The following NUP42 variants were observed in gnomAD, a reference collection of about 807,000 sequenced individuals.
The protein encoded by NUP42 is nucleoporin 42.
In NUP42, 47 loss-of-function variants were observed where a neutral mutation model predicts 35.9. That is an observed-to-expected ratio of 1.31 (90% CI 1.04 to 1.67). The LOEUF is 1.67. NUP42 is among the 40% of genes most tolerant of loss of function. The pLI is 0.00. For synonymous variants in NUP42, 173 were observed against 173.3 expected, an observed-to-expected ratio of 1.00 and a Z score of 0.01; for missense variants, 514 against 492.2, an observed-to-expected ratio of 1.04 and a Z score of -0.42.
intron 1 of NUP42, 35 bp from the exon 2 acceptor site, chr7:23,185,035 C>T: frequency 3.3e-6 from 5 of 1,523,326 alleles, no homozygotes; most frequent in Non-Finnish European, 4.5e-6. Flanking sequence ...AGAAAAGTTG[C>T]TAGTAAAATT....
chr7:23,182,266 C>T, intron 1 of NUP42, 60 bp downstream of exon 1: 1 of 1,540,778 alleles, frequency 6.5e-7, no homozygotes, highest in Non-Finnish European at 8.8e-7. Context: ...CGGCGGGGAC[C>T]GGGCGTCCCG....
intron 3 of NUP42, 146 bp downstream of exon 3, chr7:23,187,292 C>A: frequency 1.8e-6 from 1 of 556,822 alleles, no homozygotes; most frequent in East Asian, 3.0e-5. Context: ...AGTATTCTAG[C>A]CAAACTTCAT....
chr7:23,198,197 A>C (rs1786081663), intron 5 of NUP42: 1 of 148,490 alleles, frequency 6.7e-6, no homozygotes, highest in South Asian at 2.1e-4. Flanking sequence ...CTCAAAAACA[A>C]AAGCATTCTT....
intron 6 of NUP42, 29 bp from the exon 7 acceptor site, chr7:23,200,139 G>GT (rs112626242): frequency 1.5e-3 from 2,049 of 1,392,720 alleles, no homozygotes; most frequent in South Asian, 4.7e-3. Context: ...GATTTTTGTT[G>GT]TTTTTTTTGT....
intron 3 of NUP42, among the ~76,000 whole-genome samples, chr7:23,190,711 T>C (rs1785759304): frequency 6.6e-6 from 1 of 152,176 alleles, no homozygotes; most frequent in African/African-American, 2.4e-5. Context: ...TTTGGTGTTT[T>C]AGACATGAAG....
Position 23,195,735 on chromosome 7 carries a change from A to C in NUP42, c.446-104A>C, listed in dbSNP as rs1460720798. ...TAAGTTTCTTCCTCATGGTTATGAA[A>C]ATTTTCTAATCAACATTAGATATTT... On this transcript the variant is annotated intron_variant, in intron 3 of 6. Transcript: ENST00000258742. The C allele has an allele frequency of 1.4e-5, 10 of 691,456 alleles. No homozygotes were observed. In the Admixed American group the frequency reaches 3.2e-4, roughly 22 times the overall value. 42.8% of individuals were successfully genotyped at this position (691,456 alleles called of 1,614,324 possible). A position where few individuals can be genotyped will look rare whatever the true frequency, so the allele number is the denominator to read the frequency against.
rs560927616 is a variant in NUP42, at chr7:23,196,003, C to T, written c.522+88C>T. ...ATCGTGGCTTGTGTTTTGGCAAAAC[C>T]GATGAGGTCTATGATCTTTTTTCAG... On this transcript the variant is annotated intron_variant, in intron 4 of 6. Coordinates refer to ENST00000258742, the MANE Select transcript of NUP42 (RefSeq NM_007342.3). The T allele has an allele frequency of 6.0e-4, 429 of 709,316 alleles. 4 individuals are homozygous for T. In the South Asian group the frequency reaches 7.8e-3, roughly 13 times the overall value. The allele number at this position is 709,316 out of a possible 1,614,324, so 43.9% of individuals were successfully genotyped here.
intron 3 of NUP42, among the ~76,000 whole-genome samples, chr7:23,192,650 CTT>C (rs1438781087): frequency 6.6e-6 from 1 of 151,720 alleles, no homozygotes; most frequent in Admixed American, 6.6e-5. Flanking sequence ...TCCTTATTGT[CTT>C]TATGTTGAGT....
intron 5 of NUP42, among the ~76,000 whole-genome samples, chr7:23,198,660 C>T (rs577065910): frequency 1.5e-4 from 23 of 152,242 alleles, no homozygotes; most frequent in African/African-American, 5.5e-4. Flanking sequence ...ATTTCTAGAG[C>T]ACAGAACAGC....
intron 1 of NUP42, among the ~76,000 whole-genome samples, chr7:23,183,886 CTTT>C (rs58061757): frequency 1.6e-5 from 2 of 128,822 alleles, no homozygotes; most frequent in Non-Finnish European, 1.6e-5. Flanking sequence ...GCAATCTCCA[CTTT>C]TTTTTTTTTT....
intron 6 of NUP42, 95 bp from the exon 7 acceptor site, chr7:23,200,069 CATAA>C: frequency 1.1e-6 from 1 of 882,544 alleles, no homozygotes; most frequent in South Asian, 1.9e-5. Context: ...TGAAACATGA[CATAA>C]ATAAGAAAAA....
chr7:23,200,650 C>CT lies in NUP42; in HGVS notation c.1178dup (p.Thr394AsnfsTer36), dbSNP rs1164338680. On this transcript the variant is annotated frameshift_variant, in exon 7 of 7. Transcript: ENST00000258742. LOFTEE classifies it high-confidence loss of function. ...TGTGTTATTCACACCCAGAGATAAACTAACAGTAGAAGAACTGGAACAATT... is the reference window on the plus strand; with the variant it reads ...TGTGTTATTCACACCCAGAGATAAACTTAACAGTAGAAGAACTGGAACAATT... The CT allele has an allele frequency of 1.2e-6, 2 of 1,613,428 alleles. No homozygotes were observed. Among genetic ancestry groups the CT allele is most frequent in the South Asian group, 1.1e-5 (1 of 90,924 alleles).
intron 3 of NUP42, among the ~76,000 whole-genome samples, chr7:23,189,251 A>C (rs1304489916): frequency 1.3e-5 from 2 of 152,206 alleles, no homozygotes; most frequent in Non-Finnish European, 2.9e-5. Context: ...ATTACGGAAA[A>C]CTTTGTCATC....
intron 1 of NUP42, 178 bp downstream of exon 1, chr7:23,182,384 C>G: frequency 7.1e-7 from 1 of 1,409,310 alleles, no homozygotes; most frequent in Non-Finnish European, 9.2e-7. Flanking sequence ...ACATATTATT[C>G]ATGTGGTCCG....
chr7:23,188,588 A>G (rs920168035), intron 3 of NUP42: 1 of 958,228 alleles, frequency 1.0e-6, no homozygotes, highest in African/African-American at 1.8e-5. Context: ...TTAAATTTAA[A>G]TTTCAGATAA....
intron 2 of NUP42, among the ~76,000 whole-genome samples, chr7:23,186,385 A>T (rs1271216949): frequency 6.6e-6 from 1 of 152,214 alleles, no homozygotes; most frequent in Non-Finnish European, 1.5e-5. Flanking sequence ...TCTAAATTTA[A>T]TACAGTTTTC....
At chr7:23,195,040 T>C (rs1785966080) in intron 3 of NUP42, 1 of 152,254 alleles carries the variant, frequency 6.6e-6, no homozygotes, top group Non-Finnish European at 1.5e-5. Flanking sequence ...ACTAAAAATA[T>C]TAGAATGAAC....
chr7:23,196,900 C>T (rs930439113), intron 5 of NUP42, 134 bp downstream of exon 5: 2 of 656,732 alleles, frequency 3.0e-6, no homozygotes, highest in Admixed American at 5.6e-5. Flanking sequence ...CCCAAAATAG[C>T]ATCACTTAAG....
chr7:23,185,307 A>G lies in NUP42; in HGVS notation c.350+9A>G, dbSNP rs758160045. 1.9e-6 allele frequency: 3 copies of G among 1,583,250 alleles called. No individual in the cohort carries two copies. The South Asian group carries it at 3.4e-5, about 18-fold the overall frequency. On this transcript the variant is annotated intron_variant, in intron 2 of 6. Transcript: ENST00000258742. ...GATGAAAAGAAACTTCTGTAAGTGA[A>G]AGTTTTCAGGAAAATTACTATCCAT...
Sources: allele counts gnomAD v4.1 joint callset (sites outside exome capture counted in the v4.1 genomes callset), GRCh38; gene constraint gnomAD v4.1.1; transcripts MANE v1.5; gene names NCBI Gene and HGNC (gene_info 2026-07-23, HGNC 2026-07-21).